Variants in MINK1 observed in about 807,000 individuals in gnomAD.
MINK1 encodes misshapen like kinase 1.
A neutral mutation model predicts 178.4 loss-of-function variants in MINK1; 46 were observed. The ratio of observed to expected loss-of-function variants is 0.26; its 90% CI spans 0.20 to 0.33. MINK1 has a LOEUF of 0.33. MINK1 is among the 10% of genes least tolerant of loss of function. MINK1 has a pLI of 1.00. For synonymous variants in MINK1, 797 were observed against 709.7 expected (o/e 1.12, Z -1.96); for missense variants, 1,366 against 1,814.9 (o/e 0.75, Z 4.49).
chr17:4,843,304 C>A (rs1910525812), intron 1 of MINK1, among the ~76,000 whole-genome samples: 1 of 151,976 alleles, frequency 6.6e-6, no homozygotes, highest in African/African-American at 2.4e-5. Context: ...TAGTGAAACC[C>A]TGTCTCTACT....
At position 4,886,068 on chromosome 17, in the gene MINK1, C is replaced by T. The variant is rs1968167702; in HGVS notation, c.695-52C>T. The T allele has an allele frequency of 6.2e-7, 1 of 1,610,516 alleles. No individual in the cohort carries two copies. Among genetic ancestry groups the T allele is most frequent in the Admixed American group, 1.7e-5 (1 of 59,996 alleles). On this transcript the variant is annotated intron_variant, in intron 8 of 31. Transcript: ENST00000355280. The surrounding 1 kb of genome is among the most constrained non-coding windows in gnomAD (Gnocchi z 6.1). ...CCTGGGACCCTGCCGAGGAAGGGTC[C>T]TGTAGCTCCCAGTGCAGTGAAAGGG...
At position 4,895,475 on chromosome 17, in the gene MINK1, C is replaced by A; in HGVS notation, c.3211C>A (p.Leu1071Met). The A allele has an allele frequency of 6.3e-7, 1 of 1,588,572 alleles. No homozygotes were observed. The highest frequency in any genetic ancestry group is 1.2e-5 in the South Asian group (1 of 86,642). The change falls in exon 26 of 32, where the codon CTG becomes ATG. Residue 1071 changes from leucine to methionine, a missense_variant. Transcript: ENST00000355280. The surrounding 1 kb of genome is among the most constrained non-coding windows in gnomAD (Gnocchi z 4.3). ...GATGGATGTGCTGGAGGGGCTCAAC[C>A]TGCTCATCACCATCTCAGGTACAGG... ...QQMDVLEGLNLLITISGKRNK... is the reference protein window; with the variant it reads ...QQMDVLEGLNMLITISGKRNK...
chr17:4,879,722 G>C (rs1377493200), intron 2 of MINK1, among the ~76,000 whole-genome samples: 1 of 152,194 alleles, frequency 6.6e-6, no homozygotes, highest in African/African-American at 2.4e-5. Flanking sequence ...GCAATGGCTG[G>C]GGACACACTC....
In MINK1 at chr17:4,833,904, C is replaced by T. The variant is rs1908876378; in HGVS notation, c.57+264C>T. Among the ~76,000 whole-genome samples the T allele has an allele frequency of 6.6e-6, 1 of 152,348 alleles. No individual in the cohort carries two copies. Among genetic ancestry groups the T allele is most frequent in the Admixed American group, 6.5e-5 (1 of 15,294 alleles). ...CCCCCACACTTCCGTGCCACCCTAC[C>T]TTTACTCTGGGGTTCGGGACCCACT... On this transcript the variant is annotated intron_variant, in intron 1 of 31. Transcript: ENST00000355280. This position sits in a 1 kb window ranked among gnomAD's most constrained non-coding sequence, Gnocchi z 4.8.
At chr17:4,844,221 G>A (rs1353883315) in intron 1 of MINK1, among the ~76,000 whole-genome samples, 15 of 151,888 alleles carry the variant, frequency 9.9e-5, no homozygotes, top group Admixed American at 8.5e-4. Flanking sequence ...GGCTGGTCTC[G>A]AACTCCTGAC....
intron 1 of MINK1, among the ~76,000 whole-genome samples, chr17:4,863,091 G>C (rs991630940): frequency 3.9e-5 from 6 of 152,276 alleles, no homozygotes; most frequent in African/African-American, 1.4e-4. Flanking sequence ...GAAAAGAAAA[G>C]AGAAAAGAAA....
intron 1 of MINK1, among the ~76,000 whole-genome samples, chr17:4,850,251 C>T (rs1233130896): frequency 6.6e-6 from 1 of 152,142 alleles, no homozygotes; most frequent in Non-Finnish European, 1.5e-5. Flanking sequence ...GCTGGCTCAC[C>T]AGGCCATAGA....
At chr17:4,872,466 C>T (rs1377400014) in intron 1 of MINK1, among the ~76,000 whole-genome samples, 1 of 151,710 alleles carries the variant, frequency 6.6e-6, no homozygotes, top group Non-Finnish European at 1.5e-5. Context: ...GGTGAAACCC[C>T]GTCTACATAA....
Position 4,895,907 on chromosome 17 carries a change from TG to T in MINK1, c.3364+79del. 6.3e-7 allele frequency: 1 copy of T among 1,577,694 alleles called. No homozygotes were observed. Among genetic ancestry groups the T allele is most frequent in the Non-Finnish European group, 8.6e-7 (1 of 1,160,438 alleles). On this transcript the variant is annotated intron_variant, in intron 27 of 31. Transcript: ENST00000355280. The surrounding 1 kb of genome is among the most constrained non-coding windows in gnomAD (Gnocchi z 4.3). ...GAAATGGATCTGGGAGCCAGGGACTTGGGGCCTGGGTGGGGCAGTGTAGTGA... is the reference window on the plus strand; with the variant it reads ...GAAATGGATCTGGGAGCCAGGGACTTGGGCCTGGGTGGGGCAGTGTAGTGA...
At chr17:4,884,242 A>G (rs375100874) in intron 4 of MINK1, 121 bp from the exon 5 acceptor site, 2 of 716,298 alleles carry the variant, frequency 2.8e-6, no homozygotes, top group Non-Finnish European at 4.9e-6. Flanking sequence ...TCTCTAGCTC[A>G]TACCAGTTCT....
intron 21 of MINK1, 120 bp downstream of exon 21, chr17:4,893,717 A>C: frequency 7.4e-7 from 1 of 1,356,830 alleles, no homozygotes; most frequent in Non-Finnish European, 9.8e-7. Context: ...TTCTCTAGAG[A>C]GTGGGGTGAG....
Position 4,855,190 on chromosome 17 carries a change from T to TA in MINK1, c.57+21564dup, listed in dbSNP as rs151257228. On this transcript the variant is annotated intron_variant, in intron 1 of 31. Coordinates refer to ENST00000355280, the MANE Select transcript of MINK1 (RefSeq NM_153827.5). ...AGATTGTGCCACCACACTCCTGTCT[T>TA]AAAAAAAAAAAAAAGGCCAGGCATG... is the stretch of plus-strand genomic sequence containing the variant. Among the ~76,000 whole-genome samples the TA allele has an allele frequency of 3.3e-3, 423 of 130,132 alleles. 7 individuals carry two copies. The highest frequency in any genetic ancestry group is 0.01 in the East Asian group (43 of 4,148). 85.4% of individuals were successfully genotyped at this position (130,132 alleles called of 152,430 possible).
In MINK1 at chr17:4,892,371, C is replaced by CCCCCTCGGCA; in HGVS notation, c.2088-25_2088-16dup. On this transcript the variant is annotated intron_variant, in intron 17 of 31. Coordinates refer to ENST00000355280, the MANE Select transcript of MINK1 (RefSeq NM_153827.5). ...CCATCACCTCAGCGCCCCCCCGCCG[C>CCCCCTCGGCA]CCCCTCGGCACCCCTGTGCTCCCTT... is the stretch of plus-strand genomic sequence containing the variant. The CCCCCTCGGCA allele has an allele frequency of 3.3e-6, 5 of 1,508,298 alleles. No homozygotes were observed. In the South Asian group the frequency reaches 6.1e-5, roughly 18 times the overall value. 93.4% of individuals were successfully genotyped at this position (1,508,298 alleles called of 1,614,324 possible). A position where few individuals can be genotyped will look rare whatever the true frequency, so the allele number is the denominator to read the frequency against.
intron 1 of MINK1, chr17:4,851,024 T>G (rs771312274): frequency 2.2e-6 from 1 of 459,102 alleles, no homozygotes; most frequent in Non-Finnish European, 4.4e-6. Context: ...GCCACAGATC[T>G]GGTTTTCCTC....
chr17:4,854,327 C>T (rs1912673282), intron 1 of MINK1, among the ~76,000 whole-genome samples: 1 of 152,206 alleles, frequency 6.6e-6, no homozygotes, highest in Non-Finnish European at 1.5e-5. Context: ...CTGTGAAGAC[C>T]TCCAGGCTGA....
intron 21 of MINK1, 60 bp from the exon 22 acceptor site, chr17:4,893,928 C>G: frequency 7.2e-7 from 1 of 1,395,898 alleles, no homozygotes. Flanking sequence ...CATCTGCTGC[C>G]TTTGGCACTT....
intron 2 of MINK1, 137 bp downstream of exon 2, chr17:4,878,519 G>T (rs934080761): frequency 1.3e-5 from 10 of 742,378 alleles, no homozygotes; most frequent in African/African-American, 3.5e-5. Context: ...TGGAAAGGTA[G>T]AGTGGGGGAG....
In MINK1 at chr17:4,890,933, C is replaced by T. The variant is rs903539993; in HGVS notation, c.1567-18C>T. On this transcript the variant is annotated intron_variant, in intron 14 of 31. Coordinates refer to ENST00000355280, the MANE Select transcript of MINK1 (RefSeq NM_153827.5). ...GGGAGGCAAGAGCTGGCCTGCTTGA[C>T]ATCCCTTCACATCACAGGTAGAAGA... is the stretch of plus-strand genomic sequence containing the variant. The T allele has an allele frequency of 1.3e-6, 2 of 1,552,438 alleles. No individual in the cohort carries two copies. The highest frequency in any genetic ancestry group is 1.7e-6 in the Non-Finnish European group (2 of 1,147,530).
Position 4,886,584 on chromosome 17 carries a change from A to C in MINK1, c.907A>C (p.Lys303Gln), listed in dbSNP as rs781395447. The change falls in exon 10 of 32, where the codon AAG becomes CAG. Residue 303 changes from lysine (K) to glutamine (Q), a missense_variant. Transcript: ENST00000355280. This position sits in a 1 kb window ranked among gnomAD's most constrained non-coding sequence, Gnocchi z 6.1. ...GGAGCGGCAGGTCCGCATCCAGCTT[A>C]AGGACCACATTGACCGATCCCGGAA... is the stretch of plus-strand genomic sequence containing the variant. ...PTERQVRIQLKDHIDRSRKKR... is the reference protein window; with the variant it reads ...PTERQVRIQLQDHIDRSRKKR... 6.2e-7 allele frequency: 1 copy of C among 1,610,900 alleles called. No individual in the cohort carries two copies. Among genetic ancestry groups the C allele is most frequent in the Non-Finnish European group, 8.5e-7 (1 of 1,178,610 alleles).
Sources: allele counts gnomAD v4.1 joint callset (sites outside exome capture counted in the v4.1 genomes callset), GRCh38; gene constraint gnomAD v4.1.1; non-coding constraint Gnocchi (gnomAD v3.1); transcripts MANE v1.5; gene names NCBI Gene and HGNC (gene_info 2026-07-23, HGNC 2026-07-21).